AMMECR1: variants seen among roughly 807,000 people sequenced by gnomAD.
AMMECR1 encodes the protein nuclear protein AMMECR1.
Under a neutral mutation model 22.5 loss-of-function variants are expected in AMMECR1, and 3 were observed. The observed-to-expected ratio is 0.13, with a 90% CI of 0.06 to 0.35. The LOEUF is 0.35. AMMECR1 is among the 10% of genes least tolerant of loss of function. The pLI is 1.00. For missense variants in AMMECR1, 235 were observed against 278.7 expected (o/e 0.84, Z 1.12); for synonymous variants, 130 against 116.7 (o/e 1.11, Z -0.74).
intron 1 of AMMECR1, 25 bp downstream of exon 1, chrX:110,317,574 G>A (rs2068055593): frequency 8.7e-7 from 1 of 1,144,898 alleles, no homozygotes; most frequent in African/African-American, 1.8e-5. Flanking sequence ...GCAAGGGAGA[G>A]GGCGGCGGAG....
intron 2 of AMMECR1, among the ~76,000 whole-genome samples, chrX:110,228,424 G>T (rs1044989285): frequency 7.2e-5 from 8 of 111,444 alleles, no homozygotes; most frequent in African/African-American, 2.6e-4. Flanking sequence ...GCAAAAAGCT[G>T]CATGCCCAAA....
intron 2 of AMMECR1, among the ~76,000 whole-genome samples, chrX:110,402,972 G>A (rs2068575183): frequency 8.9e-6 from 1 of 112,108 alleles, no homozygotes; most frequent in South Asian, 3.7e-4. Flanking sequence ...GCCCCTACGT[G>A]AAGCTGCTTG....
chrX:110,199,285 G>A (rs1422852986), intron 5 of AMMECR1, among the ~76,000 whole-genome samples: 1 of 110,612 alleles, frequency 9.0e-6, no homozygotes, highest in Admixed American at 9.7e-5. Context: ...GCTCTCTGGT[G>A]CTAAGGATTC....
At chrX:110,221,602 C>A (rs890580113) in intron 2 of AMMECR1, among the ~76,000 whole-genome samples, 3 of 111,193 alleles carry the variant, frequency 2.7e-5, no homozygotes, top group Middle Eastern at 4.6e-3. Context: ...TTTCCTTTTA[C>A]AGTAATAATA....
At chrX:110,252,245 C>T (rs2067689709) in intron 2 of AMMECR1, among the ~76,000 whole-genome samples, 1 of 110,788 alleles carries the variant, frequency 9.0e-6, no homozygotes, top group African/African-American at 3.3e-5. Context: ...CAACCTCATA[C>T]TGCCTCTGTA....
At chrX:110,339,862 C>T (rs952564481) in intron 2 of AMMECR1, among the ~76,000 whole-genome samples, 3 of 110,918 alleles carry the variant, frequency 2.7e-5, no homozygotes, top group African/African-American at 9.9e-5. Context: ...CTGTAAGTTA[C>T]TGCCATTATA....
At chrX:110,394,078 C>A (rs1198654430) in intron 2 of AMMECR1, among the ~76,000 whole-genome samples, 1 of 112,288 alleles carries the variant, frequency 8.9e-6, no homozygotes, top group Non-Finnish European at 1.9e-5. Context: ...ACCTGACCCG[C>A]CATTGCTACA....
intron 2 of AMMECR1, among the ~76,000 whole-genome samples, chrX:110,253,313 C>T (rs2067695446): frequency 8.9e-6 from 1 of 112,976 alleles, no homozygotes; most frequent in South Asian, 3.6e-4. Context: ...TAAGGATTGA[C>T]ACCAACTAAG....
intron 2 of AMMECR1, among the ~76,000 whole-genome samples, chrX:110,343,471 C>G (rs372213064): frequency 9.0e-6 from 1 of 110,941 alleles, no homozygotes; most frequent in Non-Finnish European, 1.9e-5. Context: ...CTATTCAACA[C>G]AGTGTTGGAA....
In AMMECR1 at chrX:110,197,323, A is replaced by G. The variant is rs954964713; in HGVS notation, c.*1197T>C. 1 of 112,538 alleles carries G rather than the reference A, an allele frequency of 8.9e-6. No individual in the cohort carries two copies. The highest frequency in any genetic ancestry group is 9.4e-5 in the Admixed American group (1 of 10,663). 9.3% of individuals were successfully genotyped at this position (112,538 alleles called of 1,213,427 possible). On this transcript the variant is annotated 3_prime_UTR_variant, in exon 6 of 6. Transcript: ENST00000262844. ...CTCTAATATTGTCCCCATGACAAAC[A>G]TATCTGAAATCATGGCAAATATGAA...
At chrX:110,319,758 A>G (rs192394086), upstream of AMMECR1, among the ~76,000 whole-genome samples, 355 of 112,091 alleles carry the variant, frequency 3.2e-3, 1 homozygote, top group African/African-American at 0.011. Context: ...ACACACCTAG[A>G]AAGTAACAGA....
intron 2 of AMMECR1, among the ~76,000 whole-genome samples, chrX:110,404,728 T>C (rs1202380423): frequency 9.0e-6 from 1 of 111,467 alleles, no homozygotes; most frequent in East Asian, 2.8e-4. Context: ...CACTTCCCAT[T>C]AAATTCAGGG....
chrX:110,265,063 T>C (rs1193011051), intron 1 of AMMECR1, among the ~76,000 whole-genome samples: 2 of 111,679 alleles, frequency 1.8e-5, no homozygotes, highest in Admixed American at 9.5e-5. Flanking sequence ...TAAAAACCAA[T>C]GGTTTTCATA....
intron 2 of AMMECR1, among the ~76,000 whole-genome samples, chrX:110,229,212 T>C (rs571787477): frequency 1.5e-4 from 17 of 112,484 alleles, no homozygotes; most frequent in African/African-American, 5.2e-4. Context: ...ATTAGCCTGA[T>C]AAAACAGAAA....
upstream of AMMECR1, among the ~76,000 whole-genome samples, chrX:110,318,793 G>C (rs2068067670): frequency 1.8e-5 from 2 of 111,823 alleles, no homozygotes; most frequent in African/African-American, 6.5e-5. Context: ...TTTCCTTATG[G>C]AGAAATATTC....
At chrX:110,370,234 G>A (rs1056760874) in intron 2 of AMMECR1, among the ~76,000 whole-genome samples, 1 of 111,576 alleles carries the variant, frequency 9.0e-6, no homozygotes, top group Non-Finnish European at 1.9e-5. Context: ...TAAAGACAGA[G>A]TATCACTCTT....
intron 2 of AMMECR1, among the ~76,000 whole-genome samples, chrX:110,413,461 C>T (rs1162509893): frequency 1.8e-5 from 2 of 110,537 alleles, no homozygotes; most frequent in Non-Finnish European, 3.8e-5. Flanking sequence ...CTCATGCCAT[C>T]TGGCTACTTC....
At chrX:110,298,968 G>A (rs969642559) in intron 1 of AMMECR1, among the ~76,000 whole-genome samples, 1 of 111,457 alleles carries the variant, frequency 9.0e-6, no homozygotes, top group African/African-American at 3.3e-5. Flanking sequence ...CAACCATTAA[G>A]GTCCTTAATT....
intron 1 of AMMECR1, among the ~76,000 whole-genome samples, chrX:110,282,742 A>C (rs962031144): frequency 8.9e-6 from 1 of 111,792 alleles, no homozygotes; most frequent in Non-Finnish European, 1.9e-5. Context: ...ACACCATGAG[A>C]GATTATGCCT....
Sources: gnomAD v4.1 joint callset for allele counts (sites outside exome capture counted in the v4.1 genomes callset) on GRCh38, gnomAD v4.1.1 for gene constraint, MANE v1.5 for transcripts, NCBI Gene and HGNC (gene_info 2026-07-23, HGNC 2026-07-21) for gene names.